ADGRE3: variants seen among roughly 807,000 people sequenced by gnomAD.
ADGRE3 encodes the protein adhesion G protein-coupled receptor E3, also known as EGF-like module receptor 3.
A neutral mutation model predicts 80.1 loss-of-function variants in ADGRE3; 88 were observed. The ratio of observed to expected loss-of-function variants is 1.10; its 90% CI spans 0.93 to 1.31. The LOEUF is 1.31. Among genes scored for constraint, ADGRE3 ranks in the 40% most tolerant of loss-of-function variants. The probability of loss-of-function intolerance (pLI) is 0.00; values close to 1 mark genes in which losing one functional copy is unlikely to be tolerated. For missense variants in ADGRE3, 715 were observed against 776.5 expected (o/e 0.92, Z 0.94); for synonymous variants, 281 against 294.8 (o/e 0.95, Z 0.48).
intron 7 of ADGRE3, among the ~76,000 whole-genome samples, chr19:14,650,376 A>C (rs1348587827): frequency 6.7e-4 from 60 of 89,400 alleles, no homozygotes; most frequent in Admixed American, 1.7e-3. Context: ...CTCTCTTTCC[A>C]TCTCTCTCCC....
At chr19:14,632,142 G>C (rs1970901136) in intron 13 of ADGRE3, among the ~76,000 whole-genome samples, 1 of 152,124 alleles carries the variant, frequency 6.6e-6, no homozygotes, top group Admixed American at 6.6e-5. Context: ...TATGTACAGA[G>C]AGTTTAATTT....
intron 15 of ADGRE3, among the ~76,000 whole-genome samples, chr19:14,619,735 C>T (rs183841744): frequency 1.4e-3 from 217 of 152,212 alleles, no homozygotes; most frequent in Admixed American, 0.013. Flanking sequence ...AATTTCAGCC[C>T]CCTGGATGTT....
At position 14,619,470 on chromosome 19, in the gene ADGRE3, C is replaced by T. The variant is rs772685365; in HGVS notation, c.1922G>A (p.Gly641Glu). The T allele has an allele frequency of 6.3e-7, 1 of 1,593,546 alleles. No homozygotes were observed. Residue 641 changes from glycine (G) to glutamate (E), a missense_variant and splice_region_variant, in exon 16 of 16, where the codon GGG becomes GAG. By Grantham distance (98) the Gly-to-Glu change is moderately conservative. Transcript: ENST00000253673. The part of the protein sequence containing the change: ...KMGPDSKPSE[G>E]DVFPGQVKRK... Reference sequence around the variant, plus strand: ...CTTCACTTGTCCTGGAAAAACATCCCCCTATAAAAGAGGTTTAGATTAAAG... The same window carrying T: ...CTTCACTTGTCCTGGAAAAACATCCTCCTATAAAAGAGGTTTAGATTAAAG...
chr19:14,610,038 C>T, the ADGRE3 span: 2 of 1,578,798 alleles, frequency 1.3e-6, no homozygotes, highest in South Asian at 1.1e-5. Context: ...ATCCCTGTCC[C>T]TCTGCCCACT....
intron 5 of ADGRE3, among the ~76,000 whole-genome samples, chr19:14,656,722 G>T (rs1328824575): frequency 2.0e-5 from 3 of 152,096 alleles, no homozygotes; most frequent in African/African-American, 7.2e-5. Flanking sequence ...TGCTGGCATT[G>T]ACCCATAAGC....
chr19:14,636,012 T>TTCCTTCCTTCCTTCCTTC (rs1568480908), intron 11 of ADGRE3, among the ~76,000 whole-genome samples: 6 of 99,248 alleles, frequency 6.0e-5, no homozygotes, highest in African/African-American at 2.0e-4. Context: ...TCTCTTTCTT[T>TTCCTTCCTTCCTTCCTTC]CTTCCTTCCT....
In ADGRE3 at chr19:14,636,191, CTTTCTTTCTTTCT is replaced by C. The variant is rs771691129; in HGVS notation, c.1484+1901_1484+1913del. Among the ~76,000 whole-genome samples the C allele has an allele frequency of 4.6e-4, 45 of 98,298 alleles. 6 individuals are homozygous for C. The highest frequency in any genetic ancestry group is 8.4e-4 in the East Asian group (2 of 2,376). The allele number at this position is 98,298 out of a possible 152,430, so 64.5% of individuals were successfully genotyped here. ...CCTTTCCTTTCCTTCCTCTTTCTTTCTTTCTTTCTTTCTTTTCTTTTCTTTTTTCTTTCCTTTT... is the reference window on the plus strand; with the variant it reads ...CCTTTCCTTTCCTTCCTCTTTCTTTCTTTCTTTTCTTTTTTCTTTCCTTTT... On this transcript the variant is annotated intron_variant, in intron 11 of 15. Coordinates refer to ENST00000253673, the MANE Select transcript of ADGRE3 (RefSeq NM_032571.5).
rs544280901 is a variant in ADGRE3 at position 14,638,062 on chromosome 19, T to C, written c.1484+43A>G. ...TCATGAATGCTGCCCTCAAAAGCTT[T>C]CTTAGGAAACTGTCCATGACACAAG... is the stretch of plus-strand genomic sequence containing the variant. On this transcript the variant is annotated intron_variant, in intron 11 of 15. Transcript: ENST00000253673. The C allele has an allele frequency of 2.0e-5, 29 of 1,463,290 alleles. No homozygotes were observed. The Admixed American group carries it at 4.7e-4, about 24-fold the overall frequency. The allele number at this position is 1,463,290 out of a possible 1,614,324, so 90.6% of individuals were successfully genotyped here.
chr19:14,662,478 T>C (rs958809230), intron 3 of ADGRE3, among the ~76,000 whole-genome samples: 1 of 152,094 alleles, frequency 6.6e-6, no homozygotes, highest in African/African-American at 2.4e-5. Flanking sequence ...TTCTGCCTCC[T>C]GAGTTCAAGC....
chr19:14,674,696 C>T (rs774824185), intron 1 of ADGRE3, 50 bp downstream of exon 1: 3 of 1,587,734 alleles, frequency 1.9e-6, no homozygotes, highest in Non-Finnish European at 2.6e-6. Flanking sequence ...CCAAGTGGTC[C>T]CTGACTGGGG....
intron 9 of ADGRE3, among the ~76,000 whole-genome samples, chr19:14,642,910 T>A (rs995960227): frequency 6.6e-6 from 1 of 152,186 alleles, no homozygotes; most frequent in African/African-American, 2.4e-5. Context: ...TGTGTCTTTA[T>A]GATAGAATGA....
intron 7 of ADGRE3, 43 bp from the exon 8 acceptor site, chr19:14,647,408 T>TTA: frequency 3.7e-6 from 5 of 1,360,408 alleles, no homozygotes; most frequent in Non-Finnish European, 5.0e-6. Flanking sequence ...TTTCTTTTCT[T>TTA]TCTTTTTTTT....
the ADGRE3 span, among the ~76,000 whole-genome samples, chr19:14,600,757 T>C: frequency 1.3e-5 from 2 of 151,618 alleles, no homozygotes; most frequent in African/African-American, 2.4e-5. Flanking sequence ...AATTTTGTTT[T>C]TGTATTTTTA....
At chr19:14,635,917 G>C (rs1971024086) in intron 11 of ADGRE3, among the ~76,000 whole-genome samples, 1 of 151,990 alleles carries the variant, frequency 6.6e-6, no homozygotes, top group African/African-American at 2.4e-5. Flanking sequence ...TTTTCAAAGA[G>C]GGAGCACCTT....
intron 3 of ADGRE3, among the ~76,000 whole-genome samples, chr19:14,662,461 C>T (rs1296610994): frequency 6.6e-6 from 1 of 152,180 alleles, no homozygotes; most frequent in Non-Finnish European, 1.5e-5. Context: ...TCTGGGTTCA[C>T]TGCAACTTCT....
intron 2 of ADGRE3, among the ~76,000 whole-genome samples, chr19:14,668,180 C>T (rs537981587): frequency 3.3e-5 from 5 of 151,806 alleles, no homozygotes; most frequent in Admixed American, 1.3e-4. Flanking sequence ...GAACCCAGGA[C>T]GTGGAGGTTG....
chr19:14,636,059 T>TC (rs71166770), intron 11 of ADGRE3, among the ~76,000 whole-genome samples: 4 of 99,604 alleles, frequency 4.0e-5, no homozygotes, highest in Non-Finnish European at 6.2e-5. Flanking sequence ...CTTCCTTCCT[T>TC]CCTTTCCTTT....
At chr19:14,636,081 CCTTTCTTTCTTTCTTT>C (rs1173314767) in intron 11 of ADGRE3, among the ~76,000 whole-genome samples, 2 of 24,678 alleles carry the variant, frequency 8.1e-5, no homozygotes, top group Non-Finnish European at 1.6e-4. Context: ...CTTTCCTTTC[CCTTTCTTTCTTTCTTT>C]CTTTCTTTCT....
chr19:14,620,548 T>TATATATAATATATATATA, intron 15 of ADGRE3, among the ~76,000 whole-genome samples: 2 of 24,972 alleles, frequency 8.0e-5, no homozygotes, highest in Non-Finnish European at 1.2e-4. Context: ...TATATATATA[T>TATATATAATATATATATA]TATATATATA....
Sources: allele counts gnomAD v4.1 joint callset (sites outside exome capture counted in the v4.1 genomes callset), GRCh38; gene constraint gnomAD v4.1.1; transcripts MANE v1.5; gene names NCBI Gene and HGNC (gene_info 2026-07-23, HGNC 2026-07-21).